PTPRR: variants seen among roughly 807,000 people sequenced by gnomAD.
PTPRR encodes receptor-type tyrosine-protein phosphatase R.
Under a neutral mutation model 77.2 loss-of-function variants are expected in PTPRR, and 38 were observed. That is an observed-to-expected ratio of 0.49 (90% CI 0.38 to 0.65). The LOEUF is 0.65. Among genes scored for constraint, PTPRR ranks in the 30% least tolerant of loss-of-function variants. The pLI, the probability that PTPRR is intolerant of heterozygous loss-of-function variation, is 0.00. For synonymous variants in PTPRR, 299 were observed against 283.1 expected (o/e 1.06, Z -0.57); for missense variants, 744 against 799.2 (o/e 0.93, Z 0.83).
At chr12:70,728,591 A>T (rs565670806) in intron 6 of PTPRR, among the ~76,000 whole-genome samples, 78 of 143,254 alleles carry the variant, frequency 5.4e-4, no homozygotes, top group Admixed American at 2.2e-3. Flanking sequence ...TAATCCAAAG[A>T]TTCAAAATCT....
intron 2 of PTPRR, among the ~76,000 whole-genome samples, chr12:70,767,966 T>A (rs1388258262): frequency 6.6e-6 from 1 of 151,714 alleles, no homozygotes; most frequent in South Asian, 2.1e-4. Flanking sequence ...TTGAAACCAA[T>A]GAGAACAAAG....
chr12:70,793,871 T>A (rs1891464766), intron 2 of PTPRR, among the ~76,000 whole-genome samples: 1 of 152,226 alleles, frequency 6.6e-6, no homozygotes, highest in South Asian at 2.1e-4. Flanking sequence ...CCCTCAGTTC[T>A]TTAGGGATGG....
chr12:70,693,959 A>C (rs1010268784), intron 8 of PTPRR, among the ~76,000 whole-genome samples: 1 of 152,070 alleles, frequency 6.6e-6, no homozygotes, highest in Non-Finnish European at 1.5e-5. Flanking sequence ...TTTGACAGAC[A>C]TTTTACACAT....
chr12:70,826,237 C>T (rs1256177136), intron 2 of PTPRR, among the ~76,000 whole-genome samples: 1 of 152,072 alleles, frequency 6.6e-6, no homozygotes, highest in East Asian at 1.9e-4. Context: ...CACCTTTCCT[C>T]CAATTAATCC....
chr12:70,659,838 C>T (rs551193533), intron 12 of PTPRR, among the ~76,000 whole-genome samples: 15 of 151,838 alleles, frequency 9.9e-5, no homozygotes, highest in African/African-American at 2.4e-4. Flanking sequence ...GAGACCTATG[C>T]GGTTAAACAA....
chr12:70,764,528 C>A (rs775226911), intron 3 of PTPRR, 137 bp downstream of exon 3: 4 of 678,744 alleles, frequency 5.9e-6, no homozygotes, highest in Non-Finnish European at 1.0e-5. Flanking sequence ...TAGCTTGTTT[C>A]ATAAAATTTT....
intron 1 of PTPRR, among the ~76,000 whole-genome samples, chr12:70,899,128 A>T (rs953726111): frequency 6.6e-6 from 1 of 151,470 alleles, no homozygotes; most frequent in Non-Finnish European, 1.5e-5. Context: ...ATAATTGAAA[A>T]TGTCTACCAA....
At chr12:70,859,705 A>C (rs1892717874) in intron 2 of PTPRR, among the ~76,000 whole-genome samples, 2 of 152,026 alleles carry the variant, frequency 1.3e-5, no homozygotes, top group African/African-American at 4.8e-5. Context: ...ATAGGCAACA[A>C]ATATATCAGC....
In PTPRR at chr12:70,674,645, T is replaced by C. The variant is rs11178360; in HGVS notation, c.1497+9482A>G. On this transcript the variant is annotated intron_variant, in intron 10 of 13. Transcript: ENST00000283228. ...TGGAAATTTGCCAAGACTTGCTATATAGTCGTAGTTGGTCACTTTTCACAA... is the reference window on the plus strand; with the variant it reads ...TGGAAATTTGCCAAGACTTGCTATACAGTCGTAGTTGGTCACTTTTCACAA... 9.7e-4 allele frequency among the ~76,000 whole-genome samples: 147 copies of C among 152,322 alleles called. 2 individuals are homozygous for C. In the East Asian group the frequency reaches 0.025, roughly 26 times the overall value.
At chr12:70,811,701 A>T (rs1378034637) in intron 2 of PTPRR, among the ~76,000 whole-genome samples, 2 of 152,240 alleles carry the variant, frequency 1.3e-5, no homozygotes, top group Non-Finnish European at 2.9e-5. Context: ...CTAGTTCATT[A>T]AATTGTTCCC....
intron 10 of PTPRR, among the ~76,000 whole-genome samples, chr12:70,679,001 C>T (rs532468262): frequency 6.6e-6 from 1 of 152,234 alleles, no homozygotes; most frequent in South Asian, 2.1e-4. Context: ...TTTTCTAGTT[C>T]CTTGAGGTGT....
At chr12:70,807,130 C>T (rs1042934944) in intron 2 of PTPRR, among the ~76,000 whole-genome samples, 15 of 152,262 alleles carry the variant, frequency 9.9e-5, no homozygotes, top group African/African-American at 3.6e-4. Context: ...TGACATGATG[C>T]TTAGAGATGT....
intron 6 of PTPRR, among the ~76,000 whole-genome samples, chr12:70,709,199 A>C (rs1375925997): frequency 1.3e-5 from 2 of 152,182 alleles, no homozygotes; most frequent in African/African-American, 4.8e-5. Context: ...AATTCATCAC[A>C]TAAGCAGAAC....
At chr12:70,736,197 C>T (rs1272219651) in intron 6 of PTPRR, among the ~76,000 whole-genome samples, 1 of 152,122 alleles carries the variant, frequency 6.6e-6, no homozygotes, top group East Asian at 1.9e-4. Flanking sequence ...CTGAGACAGA[C>T]AATGTGCTTC....
chr12:70,856,104 T>C (rs1316016755), intron 2 of PTPRR, among the ~76,000 whole-genome samples: 1 of 152,160 alleles, frequency 6.6e-6, no homozygotes, highest in Non-Finnish European at 1.5e-5. Flanking sequence ...TCTTCAGGAC[T>C]CAATTCACTC....
chr12:70,678,096 A>G (rs1887515502), intron 10 of PTPRR, among the ~76,000 whole-genome samples: 4 of 152,158 alleles, frequency 2.6e-5, no homozygotes, highest in Non-Finnish European at 4.4e-5. Flanking sequence ...GCTGGAGTAC[A>G]GTGGCATGAT....
intron 2 of PTPRR, among the ~76,000 whole-genome samples, chr12:70,846,126 A>G (rs1209785386): frequency 6.6e-6 from 1 of 152,234 alleles, no homozygotes; most frequent in Non-Finnish European, 1.5e-5. Context: ...GAAGAATCTA[A>G]ATAACAAAGT....
At chr12:70,763,604 C>T (rs1192922809) in intron 3 of PTPRR, among the ~76,000 whole-genome samples, 1 of 152,096 alleles carries the variant, frequency 6.6e-6, no homozygotes, top group Admixed American at 6.6e-5. Context: ...AACCCCAAAC[C>T]AAAACAAAAA....
chr12:70,887,392 C>T (rs1893258240), intron 2 of PTPRR, among the ~76,000 whole-genome samples: 2 of 151,948 alleles, frequency 1.3e-5, no homozygotes, highest in Non-Finnish European at 2.9e-5. Flanking sequence ...GCGAAGGTTG[C>T]AGTCAGCCAA....
Sources: gnomAD v4.1 joint callset for allele counts (sites outside exome capture counted in the v4.1 genomes callset) on GRCh38, gnomAD v4.1.1 for gene constraint, MANE v1.5 for transcripts, NCBI Gene and HGNC (gene_info 2026-07-23, HGNC 2026-07-21) for gene names.